PCED1B: variants seen among roughly 807,000 people sequenced by gnomAD.
The protein encoded by PCED1B is PC-esterase domain-containing protein 1B.
For missense variants in PCED1B, 573 were observed against 573.9 expected, an observed-to-expected ratio of 1.00 and a Z score of 0.02; for synonymous variants, 251 against 246.1, an observed-to-expected ratio of 1.02 and a Z score of -0.19.
chr12:47,207,660 T>C (rs1942952313), intron 2 of PCED1B, among the ~76,000 whole-genome samples: 1 of 152,222 alleles, frequency 6.6e-6, no homozygotes, highest in African/African-American at 2.4e-5. Flanking sequence ...TAAGGAAATC[T>C]TCCTTACACA....
intron 2 of PCED1B, among the ~76,000 whole-genome samples, chr12:47,118,353 G>C (rs1278814122): frequency 6.6e-6 from 1 of 152,102 alleles, no homozygotes; most frequent in Non-Finnish European, 1.5e-5. Context: ...AATCCATCTT[G>C]AACTAATTTT....
intron 2 of PCED1B, among the ~76,000 whole-genome samples, chr12:47,178,403 G>T (rs1242850820): frequency 6.6e-6 from 1 of 152,172 alleles, no homozygotes; most frequent in African/African-American, 2.4e-5. Flanking sequence ...TTGTTGGGGG[G>T]CAGTGCTAAG....
At chr12:47,081,291 C>A (rs888817436) in intron 1 of PCED1B, among the ~76,000 whole-genome samples, 1 of 152,046 alleles carries the variant, frequency 6.6e-6, no homozygotes, top group African/African-American at 2.4e-5. Context: ...TGAGGACAAC[C>A]AACTCTTCCT....
intron 2 of PCED1B, among the ~76,000 whole-genome samples, chr12:47,136,499 T>C (rs553187993): frequency 6.6e-6 from 1 of 152,260 alleles, no homozygotes; most frequent in South Asian, 2.1e-4. Context: ...CAAGGGAAAT[T>C]TGAGTGATCT....
intron 2 of PCED1B, among the ~76,000 whole-genome samples, chr12:47,179,004 T>C (rs1316977319): frequency 6.6e-6 from 1 of 152,176 alleles, no homozygotes; most frequent in African/African-American, 2.4e-5. Context: ...GAGGCAATTG[T>C]CTATCATTTT....
At chr12:47,117,985 C>T (rs61927689) in intron 2 of PCED1B, among the ~76,000 whole-genome samples, 1 of 152,180 alleles carries the variant, frequency 6.6e-6, no homozygotes, top group Non-Finnish European at 1.5e-5. Context: ...CTGTTGGCTG[C>T]ATAAATGTCT....
intron 2 of PCED1B, among the ~76,000 whole-genome samples, chr12:47,150,265 T>G (rs545089423): frequency 6.6e-6 from 1 of 152,216 alleles, no homozygotes; most frequent in Non-Finnish European, 1.5e-5. Context: ...GGAGCTCATA[T>G]TCCTGTAACT....
intron 3 of PCED1B, among the ~76,000 whole-genome samples, chr12:47,232,086 G>T (rs1416743062): frequency 1.3e-5 from 2 of 152,146 alleles, no homozygotes; most frequent in African/African-American, 4.8e-5. Context: ...CTCCCTATGT[G>T]GAGCATATAG....
chr12:47,152,607 G>A (rs1334202830), intron 2 of PCED1B, among the ~76,000 whole-genome samples: 2 of 152,190 alleles, frequency 1.3e-5, no homozygotes, highest in African/African-American at 2.4e-5. Context: ...CACAGATTAG[G>A]TAATAGTATT....
intron 2 of PCED1B, among the ~76,000 whole-genome samples, chr12:47,133,900 C>CAG (rs1387959987): frequency 6.6e-6 from 1 of 152,114 alleles, no homozygotes. Context: ...AAGGAGACTC[C>CAG]AGGGAGCTCT....
chr12:47,146,395 G>C (rs957931957), intron 2 of PCED1B, among the ~76,000 whole-genome samples: 1 of 152,180 alleles, frequency 6.6e-6, no homozygotes, highest in Non-Finnish European at 1.5e-5. Context: ...GGTTTGAGGG[G>C]ATTGACTCCA....
intron 2 of PCED1B, among the ~76,000 whole-genome samples, chr12:47,132,156 C>A (rs765919398): frequency 6.6e-6 from 1 of 152,126 alleles, no homozygotes; most frequent in African/African-American, 2.4e-5. Flanking sequence ...CATGTTAATA[C>A]ATAGTAAATT....
Position 47,113,965 on chromosome 12 carries a change from AAC to A in PCED1B, c.-526+9788_-526+9789del, listed in dbSNP as rs369455510. ...GACTCCATCTAAAAAAGAAAAAAAA[AAC>A]ACACACACACACACACATAATTTAT... On this transcript the variant is annotated intron_variant, in intron 2 of 3. Transcript: ENST00000546455. 9.8e-4 allele frequency among the ~76,000 whole-genome samples: 146 copies of A among 148,910 alleles called. No individual in the cohort carries two copies. The South Asian group carries it at 0.013, about 13-fold the overall frequency.
chr12:47,229,829 G>A (rs1217417352), intron 3 of PCED1B, among the ~76,000 whole-genome samples: 1 of 151,842 alleles, frequency 6.6e-6, no homozygotes, highest in African/African-American at 2.4e-5. Context: ...GAGTGCAGTG[G>A]CGCGATCTTG....
At chr12:47,155,404 G>C (rs1426698366) in intron 2 of PCED1B, among the ~76,000 whole-genome samples, 1 of 152,174 alleles carries the variant, frequency 6.6e-6, no homozygotes, top group African/African-American at 2.4e-5. Context: ...GTTACCTTGT[G>C]TTGTAGAATT....
intron 2 of PCED1B, among the ~76,000 whole-genome samples, chr12:47,204,005 T>A (rs1358899534): frequency 6.6e-6 from 1 of 152,170 alleles, no homozygotes; most frequent in African/African-American, 2.4e-5. Flanking sequence ...GCATCTGTTG[T>A]TTTTTGACTT....
At chr12:47,106,855 C>T (rs1938974700) in intron 2 of PCED1B, among the ~76,000 whole-genome samples, 1 of 152,068 alleles carries the variant, frequency 6.6e-6, no homozygotes, top group Admixed American at 6.5e-5. Flanking sequence ...CTCTGGCAAA[C>T]ATACATTAGG....
rs769174209 is a variant in PCED1B at position 47,235,537 on chromosome 12, C to T, written c.474C>T (p.Cys158=). 1.2e-6 allele frequency: 2 copies of T among 1,610,994 alleles called. No homozygotes were observed. Among genetic ancestry groups the T allele is most frequent in the Admixed American group, 1.7e-5 (1 of 59,850 alleles). The part of the protein sequence containing the change: ...QCLGQVLPES[C]LLVWNTAMPV... The stretch of plus-strand genomic sequence containing the variant: ...TGGGCCAGGTGCTGCCCGAGTCTTG[C>T]CTCCTGGTGTGGAACACGGCCATGC... The change falls in exon 4 of 4, where the codon TGC becomes TGT. Residue 158 remains cysteine, a synonymous_variant. Coordinates refer to ENST00000546455, the MANE Select transcript of PCED1B (RefSeq NM_138371.3).
In PCED1B at chr12:47,192,418, C is replaced by T. The variant is rs372006328; in HGVS notation, c.-525-23804C>T. Among the ~76,000 whole-genome samples, 29 of 152,222 alleles carry T rather than the reference C, an allele frequency of 1.9e-4. No individual in the cohort carries two copies. The South Asian group carries it at 4.8e-3, about 25-fold the overall frequency. On this transcript the variant is annotated intron_variant, in intron 2 of 3. Coordinates refer to ENST00000546455, the MANE Select transcript of PCED1B (RefSeq NM_138371.3). ...GAAATTGTATATACTGCAGACTGATCGGCTCTATCCAAATGGGTGCTCCTT... is the reference window on the plus strand; with the variant it reads ...GAAATTGTATATACTGCAGACTGATTGGCTCTATCCAAATGGGTGCTCCTT...
Sources: gnomAD v4.1 joint callset for allele counts (sites outside exome capture counted in the v4.1 genomes callset) on GRCh38, gnomAD v4.1.1 for gene constraint, MANE v1.5 for transcripts, NCBI Gene and HGNC (gene_info 2026-07-23, HGNC 2026-07-21) for gene names.